RELN: variants seen among roughly 807,000 people sequenced by gnomAD.
RELN encodes reelin.
RELN carries 108 observed loss-of-function variants against 427.6 expected under a neutral mutation model. The ratio of observed to expected loss-of-function variants is 0.25; its 90% CI spans 0.22 to 0.30. RELN has a LOEUF of 0.30. Ranked by LOEUF, RELN falls within the 10% of genes least tolerant of loss-of-function variation. RELN has a pLI of 1.00. For missense variants in RELN, 3,715 were observed against 4,302.8 expected, an observed-to-expected ratio of 0.86 and a Z score of 3.82; for synonymous variants, 1,524 against 1,513.4, an observed-to-expected ratio of 1.01 and a Z score of -0.16.
intron 46 of RELN, among the ~76,000 whole-genome samples, chr7:103,530,071 C>A (rs1584268059): frequency 6.6e-6 from 1 of 152,128 alleles, no homozygotes; most frequent in South Asian, 2.1e-4. Context: ...GAGGCAGGTG[C>A]AGTTTTACAG....
chr7:103,845,644 T>C (rs1320933505), intron 2 of RELN, among the ~76,000 whole-genome samples: 2 of 152,166 alleles, frequency 1.3e-5, no homozygotes, highest in Non-Finnish European at 2.9e-5. Context: ...CCCCATGTAA[T>C]TTTTTTAATG....
chr7:103,565,687 T>C, intron 33 of RELN, 136 bp from the exon 34 acceptor site: 2 of 788,772 alleles, frequency 2.5e-6, no homozygotes, highest in Non-Finnish European at 2.0e-6. Flanking sequence ...GCTTTGACTT[T>C]TCTTCTTATA....
chr7:103,537,825 T>A (rs1021430363), intron 45 of RELN, among the ~76,000 whole-genome samples: 1 of 152,216 alleles, frequency 6.6e-6, no homozygotes, highest in East Asian at 1.9e-4. Flanking sequence ...TTGGGGGCCC[T>A]TTCTTTTCCA....
chr7:103,781,197 C>T (rs1320829339), intron 3 of RELN, among the ~76,000 whole-genome samples: 3 of 151,714 alleles, frequency 2.0e-5, no homozygotes, highest in African/African-American at 7.3e-5. Flanking sequence ...ATCCCATGAG[C>T]CATCCGCACT....
intron 1 of RELN, among the ~76,000 whole-genome samples, chr7:103,958,773 T>C (rs542283306): frequency 6.6e-6 from 1 of 150,650 alleles, no homozygotes; most frequent in South Asian, 2.1e-4. Context: ...AACTAAAATC[T>C]GCAAGAAAAA....
At chr7:103,480,466 T>C (rs1310697538) in intron 63 of RELN, among the ~76,000 whole-genome samples, 1 of 152,224 alleles carries the variant, frequency 6.6e-6, no homozygotes, top group African/African-American at 2.4e-5. Context: ...TAAAACTCTT[T>C]GTGGCTCTTT....
chr7:103,630,171 A>T lies in RELN; in HGVS notation c.2471T>A (p.Ile824Asn). Residue 824 changes from isoleucine (I) to asparagine (N), a missense_variant, in exon 20 of 65, where the codon ATC becomes AAC. This residue lies in a region of RELN where 2,208 missense variants were observed against 2,361.7 expected (regional missense o/e 0.93). Transcript: ENST00000428762. ...SYLSYHEPRI[I>N]SVELPGDAKQ... ...TGCATCACCTGGTAGTTCTACGGAG[A>T]TTATTCTAGAGAAAAAAAAAAAGTC... 6.3e-7 allele frequency: 1 copy of T among 1,594,610 alleles called. No homozygotes were observed. The highest frequency in any genetic ancestry group is 8.6e-7 in the Non-Finnish European group (1 of 1,162,928).
At chr7:103,712,632 A>T (rs749777552) in intron 8 of RELN, among the ~76,000 whole-genome samples, 15 of 152,232 alleles carry the variant, frequency 9.9e-5, no homozygotes, top group Non-Finnish European at 2.1e-4. Context: ...AGAAATAATG[A>T]TCATAAATAG....
intron 1 of RELN, among the ~76,000 whole-genome samples, chr7:103,926,664 A>G (rs1420322853): frequency 4.0e-4 from 13 of 32,630 alleles, no homozygotes; most frequent in African/African-American, 1.4e-3. Context: ...TTTTTTTTTG[A>G]GACGGAGTCT....
intron 3 of RELN, among the ~76,000 whole-genome samples, chr7:103,819,044 T>TA (rs1792951465): frequency 1.3e-5 from 2 of 152,242 alleles, no homozygotes; most frequent in Admixed American, 6.5e-5. Context: ...ATCTCTGGGA[T>TA]AGTGGAAATA....
chr7:103,751,417 AGGC>A (rs1293755314), intron 5 of RELN, among the ~76,000 whole-genome samples: 2 of 152,256 alleles, frequency 1.3e-5, no homozygotes, highest in African/African-American at 4.8e-5. Flanking sequence ...GTAGGCCAGC[AGGC>A]AAGCACGTAA....
intron 6 of RELN, among the ~76,000 whole-genome samples, chr7:103,744,075 A>C (rs1203435119): frequency 6.6e-6 from 1 of 152,222 alleles, no homozygotes; most frequent in African/African-American, 2.4e-5. Context: ...CTCAGACCAC[A>C]GTGCAATCAA....
intron 1 of RELN, among the ~76,000 whole-genome samples, chr7:103,917,971 G>T (rs1030987191): frequency 1.3e-5 from 2 of 152,056 alleles, no homozygotes; most frequent in Non-Finnish European, 2.9e-5. Flanking sequence ...TTGAGATGAT[G>T]CCATTTGTAG....
intron 1 of RELN, among the ~76,000 whole-genome samples, chr7:103,937,190 TTTAA>T (rs1389041873): frequency 2.0e-5 from 3 of 152,218 alleles, no homozygotes; most frequent in Non-Finnish European, 4.4e-5. Flanking sequence ...GCAATAGATA[TTTAA>T]TTAATCAATT....
chr7:103,583,539 G>A (rs1488457272), intron 28 of RELN, among the ~76,000 whole-genome samples: 1 of 152,212 alleles, frequency 6.6e-6, no homozygotes, highest in Non-Finnish European at 1.5e-5. Flanking sequence ...AATAGTGAAA[G>A]ATAAAAGTTT....
chr7:103,911,868 G>C (rs924140598), intron 2 of RELN, among the ~76,000 whole-genome samples: 1 of 120,572 alleles, frequency 8.3e-6, no homozygotes, highest in Admixed American at 9.0e-5. Context: ...GTGGGGGGAG[G>C]GGGGAGAGAT....
Position 103,472,261 on chromosome 7 carries a change from CAATT to C in RELN, c.*547_*550del, listed in dbSNP as rs1249676982. On this transcript the variant is annotated 3_prime_UTR_variant, in exon 65 of 65. Coordinates refer to ENST00000428762, the MANE Select transcript of RELN (RefSeq NM_005045.4). ...CAACTATCTTCTTGAATAGGTATTT[CAATT>C]AATTTTCTGCAGAATATAAGTAGCC... The C allele has an allele frequency of 6.3e-6, 1 of 159,796 alleles. No individual in the cohort carries two copies. Among genetic ancestry groups the C allele is most frequent in the Non-Finnish European group, 1.4e-5 (1 of 72,190 alleles). The allele number at this position is 159,796 out of a possible 1,614,324, so 9.9% of individuals were successfully genotyped here. A position where few individuals can be genotyped will look rare whatever the true frequency, so the allele number is the denominator to read the frequency against.
chr7:103,977,295 A>G (rs1796897795), intron 1 of RELN, among the ~76,000 whole-genome samples: 2 of 123,320 alleles, frequency 1.6e-5, no homozygotes, highest in Admixed American at 1.0e-4. Context: ...TGGGTGACAG[A>G]GTGAGACTCT....
chr7:103,851,342 T>C (rs1211911611), intron 2 of RELN, among the ~76,000 whole-genome samples: 1 of 151,634 alleles, frequency 6.6e-6, no homozygotes, highest in Non-Finnish European at 1.5e-5. Flanking sequence ...GGGGGAAGAG[T>C]GGGAGGAGGT....
Sources: allele counts gnomAD v4.1 joint callset (sites outside exome capture counted in the v4.1 genomes callset), GRCh38; gene constraint gnomAD v4.1.1; regional missense constraint gnomAD v4.1.1; transcripts MANE v1.5; gene names NCBI Gene and HGNC (gene_info 2026-07-23, HGNC 2026-07-21).